UVRAG: variants seen among roughly 807,000 people sequenced by gnomAD.
UVRAG encodes UV radiation resistance associated, also known as UV radiation resistance-associated gene protein.
In UVRAG, 19 loss-of-function variants were observed where a neutral mutation model predicts 78.0. The observed-to-expected ratio is 0.24, with a 90% CI of 0.17 to 0.36. The LOEUF (loss-of-function observed/expected upper bound fraction) is 0.36, where lower values mean the gene tolerates loss of function less well. UVRAG is among the 10% of genes least tolerant of loss of function. UVRAG has a pLI of 1.00. For synonymous variants in UVRAG, 323 were observed against 324.6 expected (o/e 1.00, Z 0.05); for missense variants, 740 against 853.8 (o/e 0.87, Z 1.66).
chr11:75,970,153 G>T (rs182695796), intron 7 of UVRAG, among the ~76,000 whole-genome samples: 3 of 152,260 alleles, frequency 2.0e-5, no homozygotes, highest in Admixed American at 2.0e-4. Flanking sequence ...ACATATGCAG[G>T]CACAGACATA....
chr11:76,002,696 T>A (rs1488614902), intron 8 of UVRAG, among the ~76,000 whole-genome samples: 1 of 152,210 alleles, frequency 6.6e-6, no homozygotes, highest in Non-Finnish European at 1.5e-5. Flanking sequence ...AGTTAAGTTG[T>A]GTTCCTTGGT....
chr11:75,827,235 C>G (rs1194298751), intron 1 of UVRAG, among the ~76,000 whole-genome samples: 1 of 150,694 alleles, frequency 6.6e-6, no homozygotes, highest in Non-Finnish European at 1.5e-5. Flanking sequence ...AAATTTTATA[C>G]TCTTTAACAT....
At chr11:76,110,211 C>T (rs1229253782) in intron 13 of UVRAG, among the ~76,000 whole-genome samples, 16 of 136,638 alleles carry the variant, frequency 1.2e-4, no homozygotes, top group African/African-American at 4.8e-4. Flanking sequence ...ATATCTGGTA[C>T]ATATATATAT....
At chr11:76,060,552 G>A (rs1277766779) in intron 12 of UVRAG, among the ~76,000 whole-genome samples, 1 of 152,258 alleles carries the variant, frequency 6.6e-6, no homozygotes, top group African/African-American at 2.4e-5. Context: ...CAGCTTGCAG[G>A]GAGGTGTGGA....
At chr11:76,030,492 C>T (rs1272349058) in intron 12 of UVRAG, among the ~76,000 whole-genome samples, 2 of 152,174 alleles carry the variant, frequency 1.3e-5, no homozygotes, top group Admixed American at 1.3e-4. Context: ...TGCTGAAGCC[C>T]TTATTCTTAC....
chr11:75,982,357 A>C (rs1310455996), intron 7 of UVRAG, among the ~76,000 whole-genome samples: 2 of 152,192 alleles, frequency 1.3e-5, no homozygotes, highest in African/African-American at 4.8e-5. Context: ...CCAATGATAA[A>C]TTCTTAGCTG....
chr11:75,874,489 T>G (rs144296087), intron 3 of UVRAG, among the ~76,000 whole-genome samples: 121 of 152,320 alleles, frequency 7.9e-4, no homozygotes, highest in African/African-American at 2.7e-3. Context: ...TATGATGCAT[T>G]TTATGATTGG....
chr11:76,022,006 A>T (rs1348312717), intron 12 of UVRAG, among the ~76,000 whole-genome samples: 2 of 152,162 alleles, frequency 1.3e-5, no homozygotes, highest in African/African-American at 4.8e-5. Flanking sequence ...GTGAGCCAAG[A>T]TTGCAGCACT....
chr11:75,912,136 G>A (rs1472208268), intron 6 of UVRAG, 97 bp downstream of exon 6: 2 of 886,786 alleles, frequency 2.3e-6, no homozygotes, highest in Non-Finnish European at 1.8e-6. Flanking sequence ...AGCTTTAGAG[G>A]CTGTTATTCA....
chr11:75,889,217 A>G (rs1947161272), intron 5 of UVRAG, among the ~76,000 whole-genome samples: 1 of 152,242 alleles, frequency 6.6e-6, no homozygotes, highest in Non-Finnish European at 1.5e-5. Context: ...AATGCAATAC[A>G]GTTTTATGAA....
At chr11:75,921,168 A>G (rs891605351) in intron 6 of UVRAG, among the ~76,000 whole-genome samples, 1 of 152,198 alleles carries the variant, frequency 6.6e-6, no homozygotes, top group Non-Finnish European at 1.5e-5. Context: ...TTGTTTTCCC[A>G]AAGGGCACAA....
intron 12 of UVRAG, among the ~76,000 whole-genome samples, chr11:76,047,918 A>G (rs1485444535): frequency 4.6e-5 from 7 of 152,194 alleles, no homozygotes; most frequent in Admixed American, 4.6e-4. Flanking sequence ...TTGGGTCCAA[A>G]AGAGGAAAGG....
At chr11:76,041,674 T>C (rs888295379) in intron 12 of UVRAG, among the ~76,000 whole-genome samples, 1 of 152,260 alleles carries the variant, frequency 6.6e-6, no homozygotes, top group Non-Finnish European at 1.5e-5. Flanking sequence ...AATTTATCTT[T>C]TGTTCATCTG....
intron 12 of UVRAG, among the ~76,000 whole-genome samples, chr11:76,048,969 A>G (rs950458506): frequency 6.6e-6 from 1 of 152,276 alleles, no homozygotes; most frequent in Non-Finnish European, 1.5e-5. Context: ...TAAACAGCCC[A>G]CATGACTCAG....
chr11:76,042,898 A>G lies in UVRAG; in HGVS notation c.1227-22812A>G, dbSNP rs61894366. Among the ~76,000 whole-genome samples the G allele has an allele frequency of 3.2e-3, 492 of 152,368 alleles. 6 individuals carry two copies. The highest frequency in any genetic ancestry group is 0.017 in the Middle Eastern group (5 of 294). On this transcript the variant is annotated intron_variant, in intron 12 of 14. Transcript: ENST00000356136. ...TGTACCAACCATCCTGTGATCATGA[A>G]TGGGCCTTGCCCAATTTTCTAAGGA...
At chr11:75,934,197 A>C (rs945132127) in intron 6 of UVRAG, among the ~76,000 whole-genome samples, 2 of 152,242 alleles carry the variant, frequency 1.3e-5, no homozygotes, top group Non-Finnish European at 2.9e-5. Flanking sequence ...AACAACATGG[A>C]TGGAACTGGA....
chr11:76,070,130 G>A (rs1951274305), intron 13 of UVRAG, among the ~76,000 whole-genome samples: 1 of 152,036 alleles, frequency 6.6e-6, no homozygotes, highest in African/African-American at 2.4e-5. Flanking sequence ...CTCTGTAAAG[G>A]ACATACTGCC....
intron 4 of UVRAG, among the ~76,000 whole-genome samples, chr11:75,881,870 C>T (rs1946952972): frequency 6.6e-6 from 1 of 151,952 alleles, no homozygotes; most frequent in South Asian, 2.1e-4. Flanking sequence ...CCTTATTTTC[C>T]AGATGAAAAA....
intron 1 of UVRAG, among the ~76,000 whole-genome samples, chr11:75,825,503 C>T (rs1322437663): frequency 6.6e-6 from 1 of 152,172 alleles, no homozygotes; most frequent in Non-Finnish European, 1.5e-5. Context: ...CGAGTACACA[C>T]AGAATGGAAA....
Sources: allele counts gnomAD v4.1 joint callset (sites outside exome capture counted in the v4.1 genomes callset), GRCh38; gene constraint gnomAD v4.1.1; transcripts MANE v1.5; gene names NCBI Gene and HGNC (gene_info 2026-07-23, HGNC 2026-07-21).